Variants in DLGAP2 observed in about 807,000 individuals in gnomAD.
DLGAP2 encodes the protein DLG associated protein 2.
DLGAP2 carries 26 observed loss-of-function variants against 100.3 expected under a neutral mutation model. That is an observed-to-expected ratio of 0.26 (90% CI 0.19 to 0.36). The LOEUF (loss-of-function observed/expected upper bound fraction) is 0.36. Among genes scored for constraint, DLGAP2 ranks in the 10% least tolerant of loss-of-function variants. The pLI is 1.00. For missense variants in DLGAP2, 1,858 were observed against 1,453.2 expected (o/e 1.28, Z -4.53); for synonymous variants, 886 against 630.1 (o/e 1.41, Z -6.08).
At chr8:1,154,765 C>T (rs1023804831) in intron 2 of DLGAP2, among the ~76,000 whole-genome samples, 1 of 152,116 alleles carries the variant, frequency 6.6e-6, no homozygotes, top group Non-Finnish European at 1.5e-5. Flanking sequence ...GGCCGGGCAC[C>T]CTCTATAGTC....
chr8:1,127,112 G>A (rs116905956), intron 2 of DLGAP2, among the ~76,000 whole-genome samples: 4 of 146,492 alleles, frequency 2.7e-5, no homozygotes, highest in East Asian at 2.1e-4. Context: ...GCTCTTAAAC[G>A]GTCCTTCTGC....
intron 3 of DLGAP2, among the ~76,000 whole-genome samples, chr8:1,417,729 A>AGCCC (rs1563134364): frequency 7.9e-5 from 1 of 12,712 alleles, no homozygotes; most frequent in Admixed American, 8.7e-4. Context: ...GGCTCCAGAC[A>AGCCC]CAGAAGCCCA....
intron 1 of DLGAP2, among the ~76,000 whole-genome samples, chr8:842,458 T>A (rs1469724448): frequency 1.3e-5 from 2 of 152,258 alleles, no homozygotes; most frequent in Non-Finnish European, 2.9e-5. Flanking sequence ...GTAACTCATC[T>A]TTCTGTCTCA....
intron 1 of DLGAP2, among the ~76,000 whole-genome samples, chr8:900,329 G>A (rs1044126490): frequency 2.0e-5 from 3 of 151,202 alleles, no homozygotes; most frequent in Non-Finnish European, 2.9e-5. Flanking sequence ...TCACGGTGTC[G>A]CTCCCGGGTG....
chr8:1,244,095 C>T (rs746482723), intron 2 of DLGAP2, among the ~76,000 whole-genome samples: 1 of 152,188 alleles, frequency 6.6e-6, no homozygotes, highest in Non-Finnish European at 1.5e-5. Context: ...TCAGCCTCTG[C>T]ATTCCACCGT....
chr8:785,514 C>T (rs56386543), intron 1 of DLGAP2, among the ~76,000 whole-genome samples: 10 of 143,900 alleles, frequency 6.9e-5, no homozygotes, highest in Non-Finnish European at 1.1e-4. Flanking sequence ...TCCCCTCAGG[C>T]CTTTCTGAGA....
intron 12 of DLGAP2, chr8:1,688,393 C>G (rs533887187): frequency 2.0e-5 from 3 of 152,342 alleles, no homozygotes; most frequent in South Asian, 2.1e-4. Context: ...AAAGTGTTAT[C>G]CGAGTTACTT....
At chr8:1,291,790 A>G (rs4141052) in intron 3 of DLGAP2, among the ~76,000 whole-genome samples, 102,005 of 152,040 alleles carry the variant, frequency 0.67, 34,952 homozygotes, top group African/African-American at 0.81. Context: ...AGTTTTCATC[A>G]TACGAGCAAA....
chr8:1,194,330 A>T (rs2116737909), intron 2 of DLGAP2, among the ~76,000 whole-genome samples: 1 of 152,142 alleles, frequency 6.6e-6, no homozygotes, highest in African/African-American at 2.4e-5. Context: ...CGGCTGGTGG[A>T]GGGAGCCCGG....
chr8:1,242,070 G>T (rs532886088), intron 2 of DLGAP2, among the ~76,000 whole-genome samples: 1 of 152,142 alleles, frequency 6.6e-6, no homozygotes, highest in Non-Finnish European at 1.5e-5. Context: ...TTGGTATAAC[G>T]GGATTTAATT....
chr8:1,115,222 G>A (rs1293436054), intron 2 of DLGAP2, among the ~76,000 whole-genome samples: 1 of 152,202 alleles, frequency 6.6e-6, no homozygotes, highest in Non-Finnish European at 1.5e-5. Flanking sequence ...GTCCAATGTG[G>A]AGTTCAGATC....
chr8:1,701,249 C>T lies in DLGAP2; in HGVS notation c.3011C>T (p.Thr1004Ile), dbSNP rs202090110. The T allele has an allele frequency of 3.0e-5, 47 of 1,580,804 alleles. No individual in the cohort carries two copies. Among genetic ancestry groups the T allele is most frequent in the South Asian group, 7.0e-5 (6 of 86,308 alleles). The change falls in exon 15 of 15, where the codon ACA becomes ATA. Residue 1004 changes from threonine to isoleucine, a missense_variant. By Grantham distance (89) the Thr-to-Ile change is moderately conservative (BLOSUM62 -1). Transcript: ENST00000637795. ...KKPPKGKFPI[T>I]REKSLDLPDR... is the part of the protein sequence containing the mutation. Reference sequence around the variant, plus strand: ...CCTCCCAAGGGGAAGTTTCCCATCACAAGAGAAAAATCCCTGGACCTGCCC... The same window carrying T: ...CCTCCCAAGGGGAAGTTTCCCATCATAAGAGAAAAATCCCTGGACCTGCCC...
intron 2 of DLGAP2, among the ~76,000 whole-genome samples, chr8:1,207,425 C>G (rs993671651): frequency 6.6e-6 from 1 of 152,178 alleles, no homozygotes; most frequent in African/African-American, 2.4e-5. Context: ...CTTTTTTTGG[C>G]TGAGTAGTAT....
intron 2 of DLGAP2, among the ~76,000 whole-genome samples, chr8:1,089,523 C>G (rs1804101905): frequency 6.6e-6 from 1 of 152,224 alleles, no homozygotes; most frequent in African/African-American, 2.4e-5. Flanking sequence ...AGCAACATCT[C>G]TGTCTCTGCA....
intron 2 of DLGAP2, among the ~76,000 whole-genome samples, chr8:1,171,609 G>T (rs1410759539): frequency 6.6e-6 from 1 of 152,156 alleles, no homozygotes; most frequent in Non-Finnish European, 1.5e-5. Flanking sequence ...AGCTCTTCTT[G>T]TTGAATTGAT....
intron 1 of DLGAP2, among the ~76,000 whole-genome samples, chr8:801,399 G>T (rs959255948): frequency 2.0e-5 from 3 of 152,084 alleles, no homozygotes; most frequent in Admixed American, 2.0e-4. Flanking sequence ...TTTGCATAAG[G>T]CCCCGTGGGC....
At chr8:1,667,228 C>G (rs916162322) in intron 8 of DLGAP2, among the ~76,000 whole-genome samples, 1 of 152,218 alleles carries the variant, frequency 6.6e-6, no homozygotes, top group African/African-American at 2.4e-5. Context: ...AGTTCATCCT[C>G]TCTATAAAAA....
At chr8:836,160 A>C (rs1469849647) in intron 1 of DLGAP2, among the ~76,000 whole-genome samples, 1 of 152,190 alleles carries the variant, frequency 6.6e-6, no homozygotes, top group Non-Finnish European at 1.5e-5. Context: ...CGAATCCTGC[A>C]GTGTCAGGAA....
intron 1 of DLGAP2, among the ~76,000 whole-genome samples, chr8:765,627 A>G (rs1821191268): frequency 6.6e-6 from 1 of 152,182 alleles, no homozygotes; most frequent in East Asian, 1.9e-4. Flanking sequence ...TAGGGAAAAA[A>G]TTAATTTTTG....
Sources: gnomAD v4.1 joint callset for allele counts (sites outside exome capture counted in the v4.1 genomes callset) on GRCh38, gnomAD v4.1.1 for gene constraint, MANE v1.5 for transcripts, NCBI Gene and HGNC (gene_info 2026-07-23, HGNC 2026-07-21) for gene names.